RMP64: variants seen among roughly 807,000 people sequenced by gnomAD.
RMP64 encodes the protein ribonuclease MRP subunit p64.
chr3:113,018,781 C>A, the RMP64 span, among the ~76,000 whole-genome samples: 1 of 152,138 alleles, frequency 6.6e-6, no homozygotes, highest in Non-Finnish European at 1.5e-5. Context: ...ACTCTTTCAT[C>A]CCCCCAAACA....
the RMP64 span, chr3:113,013,417 G>C: frequency 4.1e-6 from 6 of 1,458,848 alleles, no homozygotes; most frequent in African/African-American, 1.5e-5. Context: ...GAAAAAAATA[G>C]AAAAAGTACA....
the RMP64 span, chr3:113,017,456 G>A: frequency 6.2e-7 from 1 of 1,613,234 alleles, no homozygotes; most frequent in African/African-American, 1.3e-5. Flanking sequence ...ACCTGTTTGA[G>A]GGCCAAATGG....
chr3:113,005,651 A>G, the RMP64 span: 5 of 1,613,758 alleles, frequency 3.1e-6, no homozygotes, highest in Middle Eastern at 3.3e-4. Context: ...ATTTTCATGG[A>G]TGCCTCTAAG....
chr3:113,011,955 G>A, the RMP64 span, among the ~76,000 whole-genome samples: 1 of 152,118 alleles, frequency 6.6e-6, no homozygotes, highest in Non-Finnish European at 1.5e-5. Flanking sequence ...ATCAAAGCAA[G>A]GTTTTCAATC....
the RMP64 span, among the ~76,000 whole-genome samples, chr3:113,007,953 G>A: frequency 2.8e-4 from 43 of 152,286 alleles, no homozygotes; most frequent in Non-Finnish European, 5.0e-4. Flanking sequence ...AGAGCATAAC[G>A]GGGACTGAAG....
chr3:113,010,494 A>C, the RMP64 span: 1 of 627,320 alleles, frequency 1.6e-6, no homozygotes, highest in Non-Finnish European at 2.8e-6. Context: ...CCTTGCCTCT[A>C]TTCATTCAGA....
the RMP64 span, chr3:113,014,067 T>C: frequency 2.0e-5 from 26 of 1,331,126 alleles, no homozygotes; most frequent in East Asian, 1.8e-4. Flanking sequence ...TTCATGTGTA[T>C]GTAATGCAGA....
chr3:113,011,360 G>A, the RMP64 span: 1 of 1,602,360 alleles, frequency 6.2e-7, no homozygotes, highest in Non-Finnish European at 8.5e-7. Flanking sequence ...CCAAACAAAG[G>A]CTCATATAAC....
the RMP64 span, chr3:113,017,635 G>C: frequency 6.3e-7 from 1 of 1,580,376 alleles, no homozygotes. Flanking sequence ...GATTTAGTAT[G>C]TATTTCTACA....
the RMP64 span, chr3:113,004,829 T>C: frequency 1.3e-5 from 2 of 152,392 alleles, no homozygotes; most frequent in Non-Finnish European, 2.9e-5. Context: ...TTATATTTCA[T>C]ATGTAACCAT....
the RMP64 span, among the ~76,000 whole-genome samples, chr3:113,018,079 T>G: frequency 6.6e-6 from 1 of 152,196 alleles, no homozygotes; most frequent in African/African-American, 2.4e-5. Context: ...TATCACTTTA[T>G]GAGAGACACA....
At chr3:113,009,122 A>G in the RMP64 span, among the ~76,000 whole-genome samples, 4 of 152,176 alleles carry the variant, frequency 2.6e-5, no homozygotes, top group African/African-American at 9.7e-5. Flanking sequence ...AAAATGCTCA[A>G]TTGAGCAACA....
the RMP64 span, chr3:113,013,213 A>C: frequency 5.7e-6 from 9 of 1,573,150 alleles, no homozygotes; most frequent in Non-Finnish European, 7.0e-6. Flanking sequence ...AAATACTGTT[A>C]AAAATATCCA....
At chr3:113,013,396 G>A in the RMP64 span, 1 of 1,568,752 alleles carries the variant, frequency 6.4e-7, no homozygotes, top group East Asian at 2.3e-5. Flanking sequence ...GTTAAGGGCT[G>A]ATTTTCACTT....
the RMP64 span, chr3:113,002,518 C>G: frequency 2.0e-5 from 3 of 150,180 alleles, no homozygotes; most frequent in Non-Finnish European, 4.4e-5. Flanking sequence ...CACAGTTACC[C>G]CCCGACCCAG....
the RMP64 span, chr3:113,019,549 C>T: frequency 1.2e-6 from 2 of 1,612,340 alleles, no homozygotes; most frequent in Non-Finnish European, 1.7e-6. Flanking sequence ...CACCAAGGGC[C>T]GCGCCGGGGT....
At chr3:113,019,630 C>G in the RMP64 span, 5 of 1,613,222 alleles carry the variant, frequency 3.1e-6, no homozygotes, top group African/African-American at 1.3e-5. Flanking sequence ...CCAGGCCCGG[C>G]GGCACCGCAG....
chr3:113,019,573 T>C, the RMP64 span: 10 of 1,613,724 alleles, frequency 6.2e-6, no homozygotes, highest in Admixed American at 1.0e-4. Context: ...GCACTGTCAC[T>C]GCGCTGCGGT....
At chr3:113,006,081 G>A in the RMP64 span, 1 of 1,005,942 alleles carries the variant, frequency 9.9e-7, no homozygotes, top group Non-Finnish European at 1.5e-6. Flanking sequence ...TTTACCAACT[G>A]AAAAGAAAAA....
Sources: gnomAD v4.1 joint callset for allele counts (sites outside exome capture counted in the v4.1 genomes callset) on GRCh38, gnomAD v4.1.1 for gene constraint, MANE v1.5 for transcripts, NCBI Gene and HGNC (gene_info 2026-07-23, HGNC 2026-07-21) for gene names.